Variants in HTR2C observed in about 807,000 individuals in gnomAD.
HTR2C encodes 5-hydroxytryptamine receptor 2C, also known as 5-hydroxytryptamine (serotonin) receptor 2C, G protein-coupled.
HTR2C carries 5 observed loss-of-function variants against 21.0 expected under a neutral mutation model. That is an observed-to-expected ratio of 0.24 (90% confidence interval 0.12 to 0.50). The LOEUF (loss-of-function observed/expected upper bound fraction) is 0.50. HTR2C is among the 20% of genes least tolerant of loss of function. The pLI is 0.98. For synonymous variants in HTR2C, 150 were observed against 145.3 expected (o/e 1.03, Z -0.23); for missense variants, 271 against 371.2 (o/e 0.73, Z 2.22).
intron 4 of HTR2C, chrX:114,823,347 G>A: frequency 3.1e-6 from 1 of 327,503 alleles, no homozygotes; most frequent in Non-Finnish European, 6.0e-6. Flanking sequence ...AGACCACCAG[G>A]CCAGAAGAGG....
At chrX:114,765,152 C>A (rs782797255) in intron 4 of HTR2C, among the ~76,000 whole-genome samples, 2 of 108,895 alleles carry the variant, frequency 1.8e-5, no homozygotes, top group South Asian at 4.0e-4. Context: ...GCTGAGAATA[C>A]AATCATGAGC....
intron 2 of HTR2C, among the ~76,000 whole-genome samples, chrX:114,724,583 A>G (rs781813251): frequency 8.1e-5 from 1 of 12,330 alleles, no homozygotes; most frequent in Non-Finnish European, 2.8e-4. Context: ...TATTTTGCTC[A>G]TTAGTTGATG....
At chrX:114,703,411 C>A (rs1184178635) in intron 2 of HTR2C, among the ~76,000 whole-genome samples, 1 of 111,257 alleles carries the variant, frequency 9.0e-6, no homozygotes, top group Non-Finnish European at 1.9e-5. Context: ...GAAACTCACT[C>A]AAAACCACTC....
intron 2 of HTR2C, among the ~76,000 whole-genome samples, chrX:114,675,281 A>C (rs1931512541): frequency 8.9e-6 from 1 of 111,811 alleles, no homozygotes; most frequent in Admixed American, 9.5e-5. Flanking sequence ...AGACAATAAA[A>C]CCCAACACAA....
chrX:114,639,033 CAAG>C (rs1556405936), intron 2 of HTR2C, among the ~76,000 whole-genome samples: 1 of 111,217 alleles, frequency 9.0e-6, no homozygotes, highest in East Asian at 2.8e-4. Context: ...TAATATTCTA[CAAG>C]AAGAATGGAT....
chrX:114,795,305 T>A (rs1297127235), intron 4 of HTR2C, among the ~76,000 whole-genome samples: 1 of 111,185 alleles, frequency 9.0e-6, no homozygotes, highest in Non-Finnish European at 1.9e-5. Flanking sequence ...TTTCTCCCAT[T>A]CTGTAGGTTG....
intron 5 of HTR2C, among the ~76,000 whole-genome samples, chrX:114,888,397 G>A (rs1312945262): frequency 2.7e-5 from 3 of 111,849 alleles, no homozygotes; most frequent in African/African-American, 9.8e-5. Flanking sequence ...AGCTTCTACT[G>A]TATGAGTAGA....
At chrX:114,652,320 T>C (rs1449861892) in intron 2 of HTR2C, among the ~76,000 whole-genome samples, 1 of 111,044 alleles carries the variant, frequency 9.0e-6, no homozygotes, top group East Asian at 2.8e-4. Context: ...TATTTTTATT[T>C]TTTGCGTCTC....
intron 1 of HTR2C, among the ~76,000 whole-genome samples, chrX:114,586,012 A>G (rs1012993705): frequency 3.6e-5 from 4 of 111,511 alleles, no homozygotes; most frequent in Non-Finnish European, 7.5e-5. Flanking sequence ...ATGAAAAAAG[A>G]TATCTGGGCT....
chrX:114,868,403 G>A (rs1216632464), intron 5 of HTR2C, among the ~76,000 whole-genome samples: 1 of 110,322 alleles, frequency 9.1e-6, no homozygotes. Context: ...TCCCTTTCCA[G>A]TTTCCTATTG....
chrX:114,894,692 T>C (rs1240030535), intron 5 of HTR2C, among the ~76,000 whole-genome samples: 1 of 111,023 alleles, frequency 9.0e-6, no homozygotes, highest in Non-Finnish European at 1.9e-5. Flanking sequence ...TCTACCTTAT[T>C]TATTTATTTA....
At chrX:114,821,784 C>T (rs1046100111) in intron 4 of HTR2C, among the ~76,000 whole-genome samples, 13 of 111,236 alleles carry the variant, frequency 1.2e-4, no homozygotes, top group Non-Finnish European at 2.1e-4. Context: ...GATAGCATGG[C>T]CATGTTGTTT....
rs376554460 is a variant in HTR2C at position 114,782,886 on chromosome X, C to T, written c.349+51279C>T. On this transcript the variant is annotated intron_variant, in intron 4 of 5. Coordinates refer to ENST00000276198, the MANE Select transcript of HTR2C (RefSeq NM_000868.4). ...TCAGACTTTATGAAACACACACACA[C>T]ACAAACACACATTAATTTAATTTAT... 3.6e-5 allele frequency among the ~76,000 whole-genome samples: 4 copies of T among 111,235 alleles called. No homozygotes were observed. The East Asian group carries it at 1.1e-3, about 31-fold the overall frequency.
intron 4 of HTR2C, among the ~76,000 whole-genome samples, chrX:114,749,490 A>G (rs147072867): frequency 1.9e-5 from 2 of 104,203 alleles, no homozygotes; most frequent in Admixed American, 2.1e-4. Context: ...AAAAAAAAAC[A>G]GTACTTAGGA....
chrX:114,625,003 T>C (rs1378283078), intron 2 of HTR2C, among the ~76,000 whole-genome samples: 1 of 111,915 alleles, frequency 8.9e-6, no homozygotes, highest in East Asian at 2.8e-4. Context: ...TTTAAAAAGA[T>C]ATTTGGATAT....
chrX:114,752,913 T>A (rs1203962331), intron 4 of HTR2C, among the ~76,000 whole-genome samples: 2 of 111,596 alleles, frequency 1.8e-5, no homozygotes, highest in Non-Finnish European at 3.8e-5. Flanking sequence ...TATGTAATAT[T>A]TGATAACTAT....
intron 5 of HTR2C, among the ~76,000 whole-genome samples, chrX:114,870,954 A>G (rs1569501313): frequency 9.0e-6 from 1 of 110,560 alleles, no homozygotes; most frequent in African/African-American, 3.3e-5. Flanking sequence ...TCTTCTGCTA[A>G]TTTTGGGTTT....
intron 4 of HTR2C, among the ~76,000 whole-genome samples, chrX:114,748,159 A>G (rs2069723559): frequency 2.7e-5 from 3 of 112,101 alleles, no homozygotes; most frequent in Admixed American, 9.5e-5. Flanking sequence ...AAAGAGTACC[A>G]TTTATAATAT....
Position 114,805,661 on chromosome X carries a change from CAT to C in HTR2C, c.350-42334_350-42333del, listed in dbSNP as rs1220605204. Among the ~76,000 whole-genome samples, 18 of 12,047 alleles carry C rather than the reference CAT, an allele frequency of 1.5e-3. 8 individuals are homozygous for C. The East Asian group carries it at 0.17, about 112-fold the overall frequency. The allele number at this position is 12,047 out of a possible 115,157, so 10.5% of individuals were successfully genotyped here. A position where few individuals can be genotyped will look rare whatever the true frequency, so the allele number is the denominator to read the frequency against. The stretch of plus-strand genomic sequence containing the variant: ...CCATATATATACACCATATATATAC[CAT>C]ATATATACACCATATATATACCATA... On this transcript the variant is annotated intron_variant, in intron 4 of 5. Coordinates refer to ENST00000276198, the MANE Select transcript of HTR2C (RefSeq NM_000868.4).
Sources: allele counts gnomAD v4.1 joint callset (sites outside exome capture counted in the v4.1 genomes callset), GRCh38; gene constraint gnomAD v4.1.1; transcripts MANE v1.5; gene names NCBI Gene and HGNC (gene_info 2026-07-23, HGNC 2026-07-21).